RALGAPA2: variants seen among roughly 807,000 people sequenced by gnomAD.
The protein encoded by RALGAPA2 is Ral GTPase activating protein catalytic subunit alpha 2, also known as ral GTPase-activating protein subunit alpha-2.
A neutral mutation model predicts 230.4 loss-of-function variants in RALGAPA2; 139 were observed. The ratio of observed to expected loss-of-function variants is 0.60; its 90% confidence interval spans 0.53 to 0.69. The LOEUF (loss-of-function observed/expected upper bound fraction) is 0.69, where lower values mean the gene tolerates loss of function less well. Among genes scored for constraint, RALGAPA2 ranks in the 30% least tolerant of loss-of-function variants. RALGAPA2 has a pLI of 0.00. For synonymous variants in RALGAPA2, 847 were observed against 837.8 expected (o/e 1.01, Z -0.19); for missense variants, 2,163 against 2,276.0 (o/e 0.95, Z 1.01).
At chr20:20,644,566 A>C (rs1034051514) in intron 4 of RALGAPA2, among the ~76,000 whole-genome samples, 2 of 152,262 alleles carry the variant, frequency 1.3e-5, no homozygotes, top group African/African-American at 2.4e-5. Flanking sequence ...TCTACTGTTC[A>C]TAACAACTAA....
At chr20:20,432,217 G>A (rs1045459801) in intron 37 of RALGAPA2, among the ~76,000 whole-genome samples, 19 of 152,114 alleles carry the variant, frequency 1.2e-4, no homozygotes, top group African/African-American at 4.6e-4. Flanking sequence ...AAAACACGTA[G>A]GTACATTTTC....
intron 14 of RALGAPA2, among the ~76,000 whole-genome samples, chr20:20,607,328 A>G (rs1051283890): frequency 6.6e-6 from 1 of 152,224 alleles, no homozygotes; most frequent in African/African-American, 2.4e-5. Context: ...ATTTGTGTTT[A>G]CCACTTTTTA....
rs370412322 is a variant in RALGAPA2, at chr20:20,412,085, G to A, written c.5559C>T (p.Phe1853=). 54 of 1,613,804 alleles carry A rather than the reference G, an allele frequency of 3.3e-5. No individual in the cohort carries two copies. Among genetic ancestry groups the A allele is most frequent in the Non-Finnish European group, 4.5e-5 (53 of 1,179,836 alleles). Reference sequence around the variant, plus strand: ...AAAAGACTTGGGCTGCGAAATCCTCGAATGTCATTACTTCGCGGTGGTTCT... The same window carrying A: ...AAAAGACTTGGGCTGCGAAATCCTCAAATGTCATTACTTCGCGGTGGTTCT... ...IIQNHREVMT[F]EDFAAQVFSP... Residue 1853 remains phenylalanine (F), a synonymous_variant, in exon 38 of 40, where the codon TTC becomes TTT. Coordinates refer to ENST00000202677, the MANE Select transcript of RALGAPA2 (RefSeq NM_020343.4).
intron 7 of RALGAPA2, among the ~76,000 whole-genome samples, chr20:20,639,168 T>C (rs1321178062): frequency 4.6e-5 from 7 of 152,130 alleles, no homozygotes; most frequent in African/African-American, 1.7e-4. Context: ...CAGTAGAGAT[T>C]ATTACTTCAA....
chr20:20,670,606 T>C (rs907036845), intron 3 of RALGAPA2, among the ~76,000 whole-genome samples: 9 of 151,292 alleles, frequency 5.9e-5, no homozygotes, highest in African/African-American at 1.2e-4. Flanking sequence ...GGATGAAATA[T>C]GGTTTTTAAA....
chr20:20,425,346 G>T (rs1445011773), intron 37 of RALGAPA2, among the ~76,000 whole-genome samples: 1 of 152,162 alleles, frequency 6.6e-6, no homozygotes, highest in Non-Finnish European at 1.5e-5. Context: ...TTTCATTTCT[G>T]AAAGCAATTT....
Position 20,562,880 on chromosome 20 carries a change from G to C in RALGAPA2, c.3156+8578C>G, listed in dbSNP as rs78539236. On this transcript the variant is annotated intron_variant, in intron 23 of 39. Coordinates refer to ENST00000202677, the MANE Select transcript of RALGAPA2 (RefSeq NM_020343.4). Reference sequence around the variant, plus strand: ...ATATCTCGCATTTATTTTTGGTGCAGTCATCTATCTGAAGTCTTTATGGCG... The same window carrying C: ...ATATCTCGCATTTATTTTTGGTGCACTCATCTATCTGAAGTCTTTATGGCG... Among the ~76,000 whole-genome samples, 1,280 of 152,274 alleles carry C rather than the reference G, an allele frequency of 8.4e-3. 20 individuals are homozygous for C. The highest frequency in any genetic ancestry group is 0.029 in the African/African-American group (1,207 of 41,542).
In RALGAPA2 at chr20:20,536,748, G is replaced by C; in HGVS notation, c.3322C>G (p.Leu1108Val). ...RSEAVTVLGS[L>V]VCFPNTYQEI... ...TGGTAGGTATTTGGAAAGCAGACCA[G>C]AGAGCCGAGGACAGTGACAGCCTCT... is the stretch of plus-strand genomic sequence containing the variant. The change falls in exon 25 of 40, where the codon CTG becomes GTG. Residue 1108 changes from leucine (L) to valine (V), a missense_variant. Physicochemically the swap from Leu to Val is conservative, Grantham distance 32 (BLOSUM62 1). Coordinates refer to ENST00000202677, the MANE Select transcript of RALGAPA2 (RefSeq NM_020343.4). 1 of 1,612,886 alleles carries C rather than the reference G, an allele frequency of 6.2e-7. No homozygotes were observed. Among genetic ancestry groups the C allele is most frequent in the Non-Finnish European group, 8.5e-7 (1 of 1,179,092 alleles).
chr20:20,522,499 G>C (rs1457904357), intron 30 of RALGAPA2, among the ~76,000 whole-genome samples: 1 of 152,142 alleles, frequency 6.6e-6, no homozygotes, highest in Non-Finnish European at 1.5e-5. Flanking sequence ...GTTCAAAACA[G>C]GCAAAACTAC....
At chr20:20,523,354 G>A (rs757925599) in intron 30 of RALGAPA2, among the ~76,000 whole-genome samples, 12 of 152,142 alleles carry the variant, frequency 7.9e-5, no homozygotes, top group Non-Finnish European at 1.2e-4. Flanking sequence ...AAATGATGAC[G>A]CTAATTACTT....
intron 2 of RALGAPA2, among the ~76,000 whole-genome samples, chr20:20,679,411 T>A (rs117632772): frequency 1.3e-5 from 2 of 152,304 alleles, no homozygotes; most frequent in East Asian, 1.9e-4. Context: ...ATCCCTCAGA[T>A]GAATGACAGC....
chr20:20,426,623 C>T (rs576629359), intron 37 of RALGAPA2, among the ~76,000 whole-genome samples: 2 of 152,158 alleles, frequency 1.3e-5, no homozygotes, highest in East Asian at 3.9e-4. Context: ...TAAGAAGCAA[C>T]AGGGCTCAAG....
At chr20:20,510,398 G>T (rs905878537) in intron 33 of RALGAPA2, among the ~76,000 whole-genome samples, 2 of 152,218 alleles carry the variant, frequency 1.3e-5, no homozygotes, top group South Asian at 2.1e-4. Context: ...GAGTTAATGA[G>T]TAGTAAGAAA....
intron 36 of RALGAPA2, among the ~76,000 whole-genome samples, chr20:20,492,651 C>T (rs553464711): frequency 9.9e-5 from 15 of 152,244 alleles, no homozygotes; most frequent in South Asian, 8.3e-4. Context: ...ATGTCCCTGG[C>T]GGTATGTGCA....
At chr20:20,401,412 C>T (rs990715905) in intron 38 of RALGAPA2, among the ~76,000 whole-genome samples, 13 of 152,150 alleles carry the variant, frequency 8.5e-5, no homozygotes, top group Non-Finnish European at 1.9e-4. Flanking sequence ...TCACACCACC[C>T]TCAAAGCAAA....
chr20:20,465,558 A>AT (rs1285435784), intron 37 of RALGAPA2, among the ~76,000 whole-genome samples: 1 of 152,166 alleles, frequency 6.6e-6, no homozygotes, highest in Non-Finnish European at 1.5e-5. Flanking sequence ...GCTGTTCCTG[A>AT]TATTCCCCTA....
intron 21 of RALGAPA2, among the ~76,000 whole-genome samples, chr20:20,572,302 C>T (rs1422030223): frequency 1.3e-5 from 2 of 151,834 alleles, no homozygotes; most frequent in Admixed American, 1.3e-4. Context: ...AGAACCCAAA[C>T]AAAAATCAGA....
chr20:20,534,433 A>T (rs897958458), intron 26 of RALGAPA2, among the ~76,000 whole-genome samples: 12 of 151,868 alleles, frequency 7.9e-5, no homozygotes, highest in African/African-American at 2.9e-4. Flanking sequence ...CGATAGAGCA[A>T]GACCCCATCT....
chr20:20,434,850 C>T (rs2060575276), intron 37 of RALGAPA2, among the ~76,000 whole-genome samples: 1 of 152,120 alleles, frequency 6.6e-6, no homozygotes, highest in Non-Finnish European at 1.5e-5. Context: ...GCTGGAGGAT[C>T]GCTTGAGCCT....
Sources: gnomAD v4.1 joint callset for allele counts (sites outside exome capture counted in the v4.1 genomes callset) on GRCh38, gnomAD v4.1.1 for gene constraint, MANE v1.5 for transcripts, NCBI Gene and HGNC (gene_info 2026-07-23, HGNC 2026-07-21) for gene names.